The following CFAP299 variants were observed in gnomAD, a reference collection of about 807,000 sequenced individuals.
CFAP299 encodes the protein cilia- and flagella-associated protein 299.
Under a neutral mutation model 27.0 loss-of-function variants are expected in CFAP299, and 21 were observed. The observed-to-expected ratio is 0.78, with a 90% CI of 0.55 to 1.12. CFAP299 has a LOEUF of 1.12. Ranked by LOEUF, CFAP299 falls within the 50% of genes most tolerant of loss-of-function variation. The probability of loss-of-function intolerance (pLI) is 0.00; values close to 1 mark genes in which losing one functional copy is unlikely to be tolerated. For missense variants in CFAP299, 310 were observed against 276.6 expected, an observed-to-expected ratio of 1.12 and a Z score of -0.86; for synonymous variants, 104 against 98.1, an observed-to-expected ratio of 1.06 and a Z score of -0.36.
At chr4:80,944,783 AT>A (rs1035398525) in intron 4 of CFAP299, 26 bp from the exon 5 acceptor site, 1 of 1,538,300 alleles carries the variant, frequency 6.5e-7, no homozygotes, top group Non-Finnish European at 8.9e-7. Flanking sequence ...ATACATCTTA[AT>A]TCCTAATAAA....
intron 2 of CFAP299, among the ~76,000 whole-genome samples, chr4:80,426,378 G>A (rs1344324497): frequency 1.3e-5 from 2 of 151,942 alleles, no homozygotes; most frequent in African/African-American, 4.8e-5. Context: ...ATTGGAATAT[G>A]GAGTTTTCTA....
At chr4:80,860,309 C>T (rs1008321234) in intron 3 of CFAP299, among the ~76,000 whole-genome samples, 15 of 152,246 alleles carry the variant, frequency 9.9e-5, no homozygotes, top group East Asian at 3.9e-4. Flanking sequence ...GTTATACATT[C>T]GTCTAAATTT....
At chr4:80,401,885 C>T (rs1726180305) in intron 2 of CFAP299, among the ~76,000 whole-genome samples, 1 of 152,150 alleles carries the variant, frequency 6.6e-6, no homozygotes, top group African/African-American at 2.4e-5. Flanking sequence ...GATGGAGCTG[C>T]CAAGACCATG....
intron 3 of CFAP299, among the ~76,000 whole-genome samples, chr4:80,778,659 A>G (rs1726690769): frequency 6.6e-6 from 1 of 152,048 alleles, no homozygotes; most frequent in Admixed American, 6.6e-5. Context: ...AAACCAATGC[A>G]CTGCAACATA....
chr4:80,661,669 A>G lies in CFAP299; in HGVS notation c.333+78486A>G, dbSNP rs560966784. Among the ~76,000 whole-genome samples the G allele has an allele frequency of 9.2e-5, 14 of 152,304 alleles. No homozygotes were observed. The South Asian group carries it at 2.9e-3, about 32-fold the overall frequency. On this transcript the variant is annotated intron_variant, in intron 3 of 5. Coordinates refer to ENST00000358105, the MANE Select transcript of CFAP299 (RefSeq NM_152770.3). ...TAACTGCACAAATTGTTTAAACGAT[A>G]TGAAATCTGGGCACCTTGAAAAAAG...
At chr4:80,736,402 G>C (rs375868346) in intron 3 of CFAP299, among the ~76,000 whole-genome samples, 3 of 151,336 alleles carry the variant, frequency 2.0e-5, no homozygotes, top group Admixed American at 1.3e-4. Context: ...AGATATTTTC[G>C]CAACCTACTC....
At chr4:80,475,744 G>A (rs117656717) in intron 2 of CFAP299, among the ~76,000 whole-genome samples, 1 of 152,284 alleles carries the variant, frequency 6.6e-6, no homozygotes, top group East Asian at 1.9e-4. Context: ...ATAGATAAGT[G>A]TCGCAAACAA....
chr4:80,638,080 C>T (rs932637666), intron 3 of CFAP299, among the ~76,000 whole-genome samples: 4 of 152,154 alleles, frequency 2.6e-5, no homozygotes, highest in Non-Finnish European at 4.4e-5. Flanking sequence ...AGATCCAGCT[C>T]ATCAAATCCT....
chr4:80,913,262 GA>G (rs1483608333), intron 4 of CFAP299, among the ~76,000 whole-genome samples: 2 of 152,090 alleles, frequency 1.3e-5, no homozygotes, highest in Non-Finnish European at 2.9e-5. Context: ...TGACAAAGAA[GA>G]AAATAAATAT....
chr4:80,808,547 T>C (rs1319525980), intron 3 of CFAP299, among the ~76,000 whole-genome samples: 1 of 152,114 alleles, frequency 6.6e-6, no homozygotes, highest in Non-Finnish European at 1.5e-5. Context: ...TTATTGAATT[T>C]TGTGAAGTGG....
At chr4:80,520,267 G>A (rs1732842704) in intron 2 of CFAP299, among the ~76,000 whole-genome samples, 1 of 152,140 alleles carries the variant, frequency 6.6e-6, no homozygotes, top group Admixed American at 6.5e-5. Flanking sequence ...GGCATTTCTG[G>A]ATTCATTTTA....
At chr4:80,942,852 A>G (rs1357763993) in intron 4 of CFAP299, among the ~76,000 whole-genome samples, 2 of 152,212 alleles carry the variant, frequency 1.3e-5, no homozygotes, top group African/African-American at 4.8e-5. Context: ...CAATTTGGCA[A>G]TATCCTAACT....
At chr4:80,906,103 G>A (rs570460214) in intron 4 of CFAP299, among the ~76,000 whole-genome samples, 1 of 152,146 alleles carries the variant, frequency 6.6e-6, no homozygotes, top group African/African-American at 2.4e-5. Context: ...AGATACAATG[G>A]GGGTACAAGC....
chr4:80,608,524 G>A (rs999313109), intron 3 of CFAP299: 6 of 527,312 alleles, frequency 1.1e-5, no homozygotes, highest in Non-Finnish European at 2.0e-5. Flanking sequence ...GTCACAAGTA[G>A]TGCTTTTATT....
At chr4:80,720,857 TATATTCC>T (rs770916861) in intron 3 of CFAP299, among the ~76,000 whole-genome samples, 1 of 152,128 alleles carries the variant, frequency 6.6e-6, no homozygotes, top group African/African-American at 2.4e-5. Context: ...TTTTTATACC[TATATTCC>T]ATATTCAAAA....
chr4:80,887,680 A>G (rs547925664), intron 4 of CFAP299, among the ~76,000 whole-genome samples: 1 of 152,278 alleles, frequency 6.6e-6, no homozygotes, highest in African/African-American at 2.4e-5. Flanking sequence ...AGAATAATAC[A>G]GAATTATGTA....
At chr4:80,875,551 C>T (rs958023542) in intron 4 of CFAP299, among the ~76,000 whole-genome samples, 15 of 151,720 alleles carry the variant, frequency 9.9e-5, no homozygotes, top group Admixed American at 8.5e-4. Context: ...GTAATCCCAG[C>T]TACTTGGGAG....
chr4:80,398,380 T>G (rs868562443), intron 2 of CFAP299, among the ~76,000 whole-genome samples: 63 of 152,222 alleles, frequency 4.1e-4, no homozygotes, highest in African/African-American at 1.3e-3. Flanking sequence ...GCATTGCCAA[T>G]TCAATCCTAA....
At chr4:80,592,317 G>A (rs895557876) in intron 3 of CFAP299, among the ~76,000 whole-genome samples, 3 of 152,142 alleles carry the variant, frequency 2.0e-5, no homozygotes, top group East Asian at 1.9e-4. Flanking sequence ...TAAAGGACAA[G>A]TATATCCATG....
Sources: gnomAD v4.1 joint callset for allele counts (sites outside exome capture counted in the v4.1 genomes callset) on GRCh38, gnomAD v4.1.1 for gene constraint, MANE v1.5 for transcripts, NCBI Gene and HGNC (gene_info 2026-07-23, HGNC 2026-07-21) for gene names.